The following SAMMSON variants were observed in gnomAD, a reference collection of about 807,000 sequenced individuals.
The protein encoded by SAMMSON is survival associated mitochondrial melanoma specific oncogenic non-coding RNA.
At chr3:70,367,287 T>C (rs1478682907) in intron 9 of SAMMSON, among the ~76,000 whole-genome samples, 1 of 151,674 alleles carries the variant, frequency 6.6e-6, no homozygotes, top group Non-Finnish European at 1.5e-5. Flanking sequence ...AAATGTTTTA[T>C]ACCCATTAAT....
chr3:70,080,332 C>G (rs1008269331), intron 4 of SAMMSON, among the ~76,000 whole-genome samples: 6 of 152,200 alleles, frequency 3.9e-5, no homozygotes, highest in Admixed American at 3.3e-4. Context: ...TGAATTTCTG[C>G]TTTAGCCTCT....
chr3:70,086,703 G>A (rs188981155), intron 4 of SAMMSON, among the ~76,000 whole-genome samples: 1 of 152,234 alleles, frequency 6.6e-6, no homozygotes, highest in Non-Finnish European at 1.5e-5. Context: ...GGGGCTACAG[G>A]GTTCTTGAAT....
chr3:70,353,527 TA>T (rs1702809065), intron 7 of SAMMSON, among the ~76,000 whole-genome samples: 1 of 152,122 alleles, frequency 6.6e-6, no homozygotes, highest in East Asian at 1.9e-4. Flanking sequence ...GAAATATTAC[TA>T]TACTACATGT....
At chr3:70,045,542 A>C (rs1461445746) in intron 3 of SAMMSON, among the ~76,000 whole-genome samples, 3 of 151,386 alleles carry the variant, frequency 2.0e-5, no homozygotes, top group Non-Finnish European at 4.4e-5. Context: ...TTTTTCTTTG[A>C]GGGGAGGGAA....
chr3:70,267,539 A>G (rs1282935234), intron 6 of SAMMSON, among the ~76,000 whole-genome samples: 1 of 149,030 alleles, frequency 6.7e-6, no homozygotes, highest in Non-Finnish European at 1.5e-5. Flanking sequence ...AGTAGCTGGG[A>G]CTACAGGCGC....
At chr3:70,399,368 T>C (rs774755314) in intron 2 of SAMMSON, among the ~76,000 whole-genome samples, 3 of 152,188 alleles carry the variant, frequency 2.0e-5, no homozygotes, top group South Asian at 2.1e-4. Flanking sequence ...ATGAAATTCA[T>C]TGGGTTATCA....
At chr3:70,161,798 A>G (rs1029988298) in intron 4 of SAMMSON, among the ~76,000 whole-genome samples, 2 of 151,818 alleles carry the variant, frequency 1.3e-5, no homozygotes, top group Admixed American at 6.6e-5. Context: ...ATCTTGACCC[A>G]GGCTCTTCTT....
At chr3:70,023,220 G>A (rs568017182) in intron 3 of SAMMSON, among the ~76,000 whole-genome samples, 4 of 152,038 alleles carry the variant, frequency 2.6e-5, no homozygotes, top group Non-Finnish European at 5.9e-5. Context: ...ACTTTGGGAG[G>A]CCGAGGCAGG....
In SAMMSON at chr3:70,052,818, G is replaced by A. The variant is rs189802626; in HGVS notation, n.418-18658G>A. ...GAGTTAGAGGTTGGGAGAATGTAGG[G>A]ACAAAATTGCCCTCATTTGAGAAGC... On this transcript the variant is annotated intron_variant and non_coding_transcript_variant, in intron 3 of 9. Coordinates refer to ENST00000642114, the Ensembl canonical transcript of SAMMSON. Among the ~76,000 whole-genome samples the A allele has an allele frequency of 7.4e-4, 112 of 152,136 alleles. 2 individuals are homozygous for A. The highest frequency in any genetic ancestry group is 5.1e-4 in the Non-Finnish European group (35 of 67,982).
chr3:70,285,902 G>A (rs1330842841), intron 6 of SAMMSON, among the ~76,000 whole-genome samples: 2 of 151,400 alleles, frequency 1.3e-5, no homozygotes, highest in Non-Finnish European at 2.9e-5. Context: ...TTTTGATGGG[G>A]TTGTTTGTTT....
chr3:70,001,253 G>A (rs73838685), intron 1 of SAMMSON, among the ~76,000 whole-genome samples: 2,763 of 151,996 alleles, frequency 0.018, 86 homozygotes, highest in African/African-American at 0.062. Flanking sequence ...AAAACGAAAA[G>A]TAAGTCTGTC....
At chr3:70,034,615 G>A (rs1360533098) in intron 3 of SAMMSON, among the ~76,000 whole-genome samples, 2 of 152,084 alleles carry the variant, frequency 1.3e-5, no homozygotes, top group African/African-American at 4.8e-5. Flanking sequence ...AGGCCACGGT[G>A]GGCTGATCAC....
intron 4 of SAMMSON, among the ~76,000 whole-genome samples, chr3:70,225,354 G>A (rs1701494119): frequency 6.6e-6 from 1 of 152,188 alleles, no homozygotes; most frequent in African/African-American, 2.4e-5. Flanking sequence ...CATTTGCAGA[G>A]TTCTGCCGTT....
intron 4 of SAMMSON, chr3:70,172,299 G>T (rs1700964955): frequency 6.8e-6 from 1 of 146,148 alleles, no homozygotes; most frequent in African/African-American, 2.5e-5. Context: ...TTTTTAAGGT[G>T]ACAGTCTCAT....
downstream of SAMMSON, among the ~76,000 whole-genome samples, chr3:70,390,987 C>G (rs2106757165): frequency 6.6e-6 from 1 of 152,160 alleles, no homozygotes; most frequent in South Asian, 2.1e-4. Flanking sequence ...TAAGTTGACC[C>G]TATTGTGTCA....
At chr3:70,056,869 A>C (rs1400629247) in intron 3 of SAMMSON, among the ~76,000 whole-genome samples, 2 of 152,102 alleles carry the variant, frequency 1.3e-5, no homozygotes, top group East Asian at 3.9e-4. Flanking sequence ...TTTGATGCCA[A>C]AGTTAAGTAG....
intron 4 of SAMMSON, among the ~76,000 whole-genome samples, chr3:70,122,274 C>A (rs566635447): frequency 1.2e-4 from 18 of 152,240 alleles, no homozygotes; most frequent in Admixed American, 3.9e-4. Context: ...CTCACTGCAG[C>A]CTTTACCTCC....
At chr3:70,174,168 T>C (rs1298354737) in intron 4 of SAMMSON, among the ~76,000 whole-genome samples, 5 of 152,022 alleles carry the variant, frequency 3.3e-5, no homozygotes, top group Admixed American at 1.3e-4. Context: ...GATAATTACA[T>C]TGATTTGTAT....
chr3:70,375,140 C>T (rs1703002931), intron 9 of SAMMSON, among the ~76,000 whole-genome samples: 1 of 152,074 alleles, frequency 6.6e-6, no homozygotes, highest in Non-Finnish European at 1.5e-5. Flanking sequence ...TGGAAGGCCC[C>T]TCAATTTTTT....
Sources: allele counts gnomAD v4.1 joint callset (sites outside exome capture counted in the v4.1 genomes callset), GRCh38; gene constraint gnomAD v4.1.1; transcripts MANE v1.5; gene names NCBI Gene and HGNC (gene_info 2026-07-23, HGNC 2026-07-21).